Variants in NF1 observed in about 807,000 individuals in gnomAD.
NF1 encodes the protein neurofibromin.
In NF1, 122 loss-of-function variants were observed where a neutral mutation model predicts 325.7. The observed-to-expected ratio is 0.37, with a 90% CI of 0.32 to 0.44. NF1 has a LOEUF of 0.44. NF1 is among the 20% of genes least tolerant of loss of function. The probability of loss-of-function intolerance (pLI) is 1.00; values close to 1 mark genes in which losing one functional copy is unlikely to be tolerated. For missense variants in NF1, 2,140 were observed against 3,415.4 expected (o/e 0.63, Z 9.31); for synonymous variants, 1,091 against 1,186.0 (o/e 0.92, Z 1.65).
chr17:31,123,361 T>A (rs1914601155), intron 1 of NF1, among the ~76,000 whole-genome samples: 3 of 152,228 alleles, frequency 2.0e-5, no homozygotes, highest in Admixed American at 1.3e-4. Flanking sequence ...TCTCAATCTT[T>A]CAGAATCCTT....
At chr17:31,214,607 G>A in intron 13 of NF1, 22 bp downstream of exon 13, 1 of 1,610,892 alleles carries the variant, frequency 6.2e-7, no homozygotes, top group Non-Finnish European at 8.5e-7. Flanking sequence ...TTTATGAAAT[G>A]TCTCAAAATT....
intron 8 of NF1, among the ~76,000 whole-genome samples, chr17:31,195,407 AT>A (rs2066417401): frequency 1.3e-5 from 2 of 152,090 alleles, no homozygotes; most frequent in Non-Finnish European, 2.9e-5. Context: ...GTAACATCAA[AT>A]TTACCATCTT....
At chr17:31,240,314 A>G (rs1028010723) in intron 29 of NF1, among the ~76,000 whole-genome samples, 17 of 151,970 alleles carry the variant, frequency 1.1e-4, no homozygotes, top group African/African-American at 4.1e-4. Flanking sequence ...TAGCTTCCAC[A>G]AATAAGAGAG....
At chr17:31,163,112 T>C (rs2065790450) in intron 3 of NF1, 74 bp from the exon 4 acceptor site, 46 of 1,474,710 alleles carry the variant, frequency 3.1e-5, no homozygotes, top group Non-Finnish European at 4.2e-5. Flanking sequence ...GTGTGTGTGT[T>C]TGAAAATTTT....
chr17:31,269,907 G>T (rs1035677724), intron 36 of NF1, among the ~76,000 whole-genome samples: 2 of 152,182 alleles, frequency 1.3e-5, no homozygotes, highest in African/African-American at 4.8e-5. Context: ...CCCCTTCCTG[G>T]AATGCAGTGG....
chr17:31,173,097 A>G (rs1478448379), intron 5 of NF1, among the ~76,000 whole-genome samples: 1 of 152,022 alleles, frequency 6.6e-6, no homozygotes, highest in Non-Finnish European at 1.5e-5. Context: ...CCTGGCCAAC[A>G]TGGGGAAACT....
At position 31,152,177 on chromosome 17, in the gene NF1, G is replaced by GT. The variant is rs71142024; in HGVS notation, c.61-3798dup. ...AGTCTGATGAGAGTCTAATTTTTGG[G>GT]TTTTTTTTGTATAAATAATGTCCTC... On this transcript the variant is annotated intron_variant, in intron 1 of 57. Coordinates refer to ENST00000358273, the MANE Select transcript of NF1 (RefSeq NM_001042492.3). Among the ~76,000 whole-genome samples the GT allele has an allele frequency of 3.9e-3, 577 of 149,528 alleles. 2 individuals are homozygous for GT. The highest frequency in any genetic ancestry group is 5.3e-3 in the Non-Finnish European group (359 of 67,202).
rs2067105077 is a variant in NF1, at chr17:31,231,019, TAAACTTTTGAGATGTC to T, written c.3197+104_3197+119del. 8.8e-6 allele frequency: 9 copies of T among 1,023,896 alleles called. No homozygotes were observed. In the Admixed American group the frequency reaches 1.6e-4, roughly 18 times the overall value. The allele number at this position is 1,023,896 out of a possible 1,614,324, so 63.4% of individuals were successfully genotyped here. On this transcript the variant is annotated intron_variant, in intron 24 of 57. Transcript: ENST00000358273. Reference sequence around the variant, plus strand: ...TTTATACTTGTATTTTGTGTGTATTTAAACTTTTGAGATGTCAAACTTTTGTGTTTGAAATATGTAA... The same window carrying T: ...TTTATACTTGTATTTTGTGTGTATTTAAACTTTTGTGTTTGAAATATGTAA...
intron 51 of NF1, among the ~76,000 whole-genome samples, chr17:31,355,485 T>A (rs2070249233): frequency 6.6e-6 from 1 of 152,212 alleles, no homozygotes. Flanking sequence ...CTTGAGGTAA[T>A]AGACTTTGTA....
intron 1 of NF1, among the ~76,000 whole-genome samples, chr17:31,098,671 C>T (rs1421261706): frequency 2.0e-5 from 3 of 152,164 alleles, no homozygotes; most frequent in South Asian, 2.1e-4. Context: ...CGGCGGCTCA[C>T]GCCTGTGATC....
At chr17:31,346,652 C>CAGGAGGG (rs1420785861) in intron 48 of NF1, among the ~76,000 whole-genome samples, 5 of 151,796 alleles carry the variant, frequency 3.3e-5, no homozygotes, top group African/African-American at 7.3e-5. Context: ...GGTGTGTGCC[C>CAGGAGGG]TCCTGGTAAC....
chr17:31,320,625 G>A lies in NF1; in HGVS notation c.4836-5195G>A, dbSNP rs1371570678. On this transcript the variant is annotated intron_variant, in intron 36 of 57. Transcript: ENST00000358273. Reference sequence around the variant, plus strand: ...GAGACTATATTTCATATTAATAGTAGGGAGGAAAAACTATTAAATATTCCA... The same window carrying A: ...GAGACTATATTTCATATTAATAGTAAGGAGGAAAAACTATTAAATATTCCA... 6.4e-6 allele frequency: 3 copies of A among 467,040 alleles called. No individual in the cohort carries two copies. In the East Asian group the frequency reaches 9.4e-5, roughly 15 times the overall value. The allele number at this position is 467,040 out of a possible 1,614,324, so 28.9% of individuals were successfully genotyped here. A position where few individuals can be genotyped will look rare whatever the true frequency, so the allele number is the denominator to read the frequency against.
chr17:31,138,953 A>G (rs1320442404), intron 1 of NF1, among the ~76,000 whole-genome samples: 3 of 151,892 alleles, frequency 2.0e-5, no homozygotes, highest in Non-Finnish European at 4.4e-5. Context: ...CTTTTTTCTC[A>G]AAATTAATTG....
At chr17:31,124,413 C>A (rs927378307) in intron 1 of NF1, among the ~76,000 whole-genome samples, 4 of 151,228 alleles carry the variant, frequency 2.6e-5, no homozygotes, top group African/African-American at 9.7e-5. Context: ...CCTATTTATA[C>A]ATGAGTATTA....
rs1555614465 is a variant in NF1, at chr17:31,229,981, A to G, written c.2990+7A>G. The G allele has an allele frequency of 1.9e-6, 3 of 1,611,732 alleles. No individual in the cohort carries two copies. The highest frequency in any genetic ancestry group is 1.7e-6 in the Non-Finnish European group (2 of 1,179,646). The stretch of plus-strand genomic sequence containing the variant: ...TGATGTTAAATCTGGTCAGGTAAGC[A>G]TTCTACTGAAATGTAGCAGAAACAT... On this transcript the variant is annotated splice_region_variant and intron_variant, in intron 22 of 57. Coordinates refer to ENST00000358273, the MANE Select transcript of NF1 (RefSeq NM_001042492.3).
chr17:31,224,991 G>C (rs2066987125), intron 16 of NF1, 104 bp from the exon 17 acceptor site: 4 of 1,214,452 alleles, frequency 3.3e-6, no homozygotes, highest in Non-Finnish European at 4.8e-6. Context: ...ATTGAGAGGA[G>C]AGGTTTTTTA....
Position 31,361,106 on chromosome 17 carries a change from AAAG to A in NF1, c.8377+418_8377+420del, listed in dbSNP as rs1256610054. 1,404 of 149,234 alleles carry A rather than the reference AAAG, an allele frequency of 9.4e-3. 21 individuals carry two copies. Among genetic ancestry groups the A allele is most frequent in the African/African-American group, 0.024 (868 of 36,230 alleles). 9.2% of individuals were successfully genotyped at this position (149,234 alleles called of 1,614,324 possible). On this transcript the variant is annotated intron_variant, in intron 57 of 57. Coordinates refer to ENST00000358273, the MANE Select transcript of NF1 (RefSeq NM_001042492.3). ...CAAAAAAAAAAAAAAAAAAAAAAAA[AAAG>A]AAGAAGAAGAAGAAACACAAAATCT...
chr17:31,229,515 T>C (rs549857909), intron 21 of NF1, 50 bp downstream of exon 21: 1 of 1,572,768 alleles, frequency 6.4e-7, no homozygotes, highest in Non-Finnish European at 8.7e-7. Flanking sequence ...GAGTGACTTG[T>C]TTGAAATAAG....
At chr17:31,147,259 C>G (rs1301077645) in intron 1 of NF1, among the ~76,000 whole-genome samples, 1 of 152,150 alleles carries the variant, frequency 6.6e-6, no homozygotes, top group South Asian at 2.1e-4. Context: ...AGGGATCTAT[C>G]CTGACTTCTA....
Sources: allele counts gnomAD v4.1 joint callset (sites outside exome capture counted in the v4.1 genomes callset), GRCh38; gene constraint gnomAD v4.1.1; transcripts MANE v1.5; gene names NCBI Gene and HGNC (gene_info 2026-07-23, HGNC 2026-07-21).